DYNC2H1: variants seen among roughly 807,000 people sequenced by gnomAD.
The protein encoded by DYNC2H1 is cytoplasmic dynein 2 heavy chain 1.
A neutral mutation model predicts 570.0 loss-of-function variants in DYNC2H1; 410 were observed. The ratio of observed to expected loss-of-function variants is 0.72; its 90% confidence interval spans 0.66 to 0.78. The LOEUF is 0.78. Among genes scored for constraint, DYNC2H1 ranks in the 30% least tolerant of loss-of-function variants. The pLI is 0.00. For synonymous variants in DYNC2H1, 1,688 were observed against 1,677.6 expected, an observed-to-expected ratio of 1.01 and a Z score of -0.15; for missense variants, 4,865 against 5,046.4, an observed-to-expected ratio of 0.96 and a Z score of 1.09.
At chr11:103,146,834 C>T (rs566405118) in intron 18 of DYNC2H1, among the ~76,000 whole-genome samples, 1 of 152,240 alleles carries the variant, frequency 6.6e-6, no homozygotes, top group Admixed American at 6.5e-5. Context: ...GAACTCCTGA[C>T]CTCAGGCGAT....
intron 47 of DYNC2H1, among the ~76,000 whole-genome samples, chr11:103,193,439 G>T (rs562536493): frequency 9.2e-5 from 14 of 151,862 alleles, no homozygotes; most frequent in Non-Finnish European, 2.1e-4. Flanking sequence ...TGAAGAGTTT[G>T]GTATCTTTCA....
chr11:103,243,072 GATCTTA>G lies in DYNC2H1; in HGVS notation c.9820-619_9820-614del, dbSNP rs1185536181. ...ATTTAGTTTTTAGTTCATTTCATTA[GATCTTA>G]ACCTACAGCCCATGTAATTTTCTCT... On this transcript the variant is annotated intron_variant, in intron 63 of 88. Transcript: ENST00000375735. The surrounding 1 kb of genome is among the most constrained non-coding windows in gnomAD (Gnocchi z 4.8). Among the ~76,000 whole-genome samples, 4 of 152,040 alleles carry G rather than the reference GATCTTA, an allele frequency of 2.6e-5. No individual in the cohort carries two copies. The highest frequency in any genetic ancestry group is 9.6e-5 in the African/African-American group (4 of 41,482).
chr11:103,253,366 C>T lies in DYNC2H1; in HGVS notation c.10124C>T (p.Pro3375Leu), dbSNP rs772124490. The T allele has an allele frequency of 6.2e-7, 1 of 1,613,304 alleles. No homozygotes were observed. The highest frequency in any genetic ancestry group is 8.5e-7 in the Non-Finnish European group (1 of 1,179,528). The stretch of plus-strand genomic sequence containing the variant: ...CGCCTCTTTTTGTCAACAAGAAACC[C>T]AAATCCTTTTATTCCACCGGATGCA... The part of the protein sequence containing the change: ...EFRLFLSTRN[P>L]NPFIPPDAAS... The change falls in exon 66 of 89, where the codon CCA becomes CTA. Residue 3375 changes from proline to leucine, a missense_variant. By Grantham distance (98) the Pro-to-Leu change is moderately conservative. Around this residue, in one of 5 missense-constraint regions of DYNC2H1, gnomAD observed 2,401 missense variants for 2,454.6 expected, o/e 0.98. Coordinates refer to ENST00000375735, the MANE Select transcript of DYNC2H1 (RefSeq NM_001377.3).
At chr11:103,360,774 AAG>A (rs1259045516) in intron 83 of DYNC2H1, among the ~76,000 whole-genome samples, 1 of 152,204 alleles carries the variant, frequency 6.6e-6, no homozygotes, top group Non-Finnish European at 1.5e-5. Context: ...GTTAGTTCGT[AAG>A]AGAGATATTA....
chr11:103,389,672 G>A (rs1254298198), intron 83 of DYNC2H1, among the ~76,000 whole-genome samples: 3 of 151,516 alleles, frequency 2.0e-5, no homozygotes, highest in Non-Finnish European at 4.4e-5. Flanking sequence ...CTTTGAATGT[G>A]TCCCAGAGAT....
chr11:103,152,484 A>G (rs563586697), intron 21 of DYNC2H1, among the ~76,000 whole-genome samples, 199 bp downstream of exon 21: 1 of 152,286 alleles, frequency 6.6e-6, no homozygotes, highest in Non-Finnish European at 1.5e-5. Flanking sequence ...TATCACACCA[A>G]GAAGAAACCA....
At position 103,236,459 on chromosome 11, in the gene DYNC2H1, G is replaced by A. The variant is rs1315105205; in HGVS notation, c.9739G>A (p.Glu3247Lys). Residue 3247 changes from glutamate (E) to lysine (K), a missense_variant, in exon 63 of 89, where the codon GAA (glutamate) becomes AAA (lysine). Around this residue, in one of 5 missense-constraint regions of DYNC2H1, gnomAD observed 2,401 missense variants for 2,454.6 expected, o/e 0.98. Coordinates refer to ENST00000375735, the MANE Select transcript of DYNC2H1 (RefSeq NM_001377.3). ...KFDLRRFLCT[E>K]SEQLIWKSEG... ...TGATCTGAGGAGATTTCTTTGTACT[G>A]AAAGTGAGCAGTTAATTTGGAAAAG... 2 of 1,608,864 alleles carry A rather than the reference G, an allele frequency of 1.2e-6. No homozygotes were observed. Among genetic ancestry groups the A allele is most frequent in the Non-Finnish European group, 1.7e-6 (2 of 1,176,210 alleles).
intron 31 of DYNC2H1, among the ~76,000 whole-genome samples, chr11:103,167,311 A>G (rs1861366389): frequency 6.6e-6 from 1 of 151,226 alleles, no homozygotes; most frequent in African/African-American, 2.4e-5. Flanking sequence ...TCTGTTATCC[A>G]GGCTGGAGTG....
At chr11:103,328,857 AC>A (rs779645695) in intron 82 of DYNC2H1, among the ~76,000 whole-genome samples, 1 of 152,210 alleles carries the variant, frequency 6.6e-6, no homozygotes, top group Admixed American at 6.5e-5. Flanking sequence ...TAGGGATGTT[AC>A]ATTAACCAAA....
rs1419885905 is a variant in DYNC2H1, at chr11:103,113,451, A to G, written c.196-86A>G. The stretch of plus-strand genomic sequence containing the variant: ...AAGTAACTATTTTTTTCCAAGAGGT[A>G]TAATTATAGTGATAGAACTTTGTCT... On this transcript the variant is annotated intron_variant, in intron 1 of 88. Transcript: ENST00000375735. 1.5e-5 allele frequency: 16 copies of G among 1,057,098 alleles called. No individual in the cohort carries two copies. The East Asian group carries it at 3.4e-4, about 23-fold the overall frequency. 65.5% of individuals were successfully genotyped at this position (1,057,098 alleles called of 1,614,324 possible). A position where few individuals can be genotyped will look rare whatever the true frequency, so the allele number is the denominator to read the frequency against.
At chr11:103,459,719 G>C (rs910290218) in intron 87 of DYNC2H1, among the ~76,000 whole-genome samples, 2 of 151,840 alleles carry the variant, frequency 1.3e-5, no homozygotes, top group East Asian at 3.9e-4. Context: ...TTGGGAGGCC[G>C]AGGCGGGTGG....
intron 83 of DYNC2H1, among the ~76,000 whole-genome samples, chr11:103,392,148 C>G (rs1942183346): frequency 6.6e-6 from 1 of 152,226 alleles, no homozygotes; most frequent in Admixed American, 6.5e-5. Context: ...TGGACTCCAC[C>G]CAGTTCGAGC....
intron 83 of DYNC2H1, among the ~76,000 whole-genome samples, chr11:103,389,102 G>A (rs1308715463): frequency 1.3e-5 from 2 of 152,136 alleles, no homozygotes; most frequent in Non-Finnish European, 2.9e-5. Context: ...TGTACCTCTG[G>A]TAGAATTCAG....
chr11:103,400,658 C>CTT (rs57699673), intron 84 of DYNC2H1, among the ~76,000 whole-genome samples: 40 of 147,020 alleles, frequency 2.7e-4, no homozygotes, highest in East Asian at 7.9e-4. Flanking sequence ...ATTAAGTTTT[C>CTT]TTTTTTTTTT....
chr11:103,312,387 A>G (rs1173070962), intron 79 of DYNC2H1, among the ~76,000 whole-genome samples: 2 of 149,734 alleles, frequency 1.3e-5, no homozygotes, highest in East Asian at 2.0e-4. Flanking sequence ...TCTCAAAAAA[A>G]AAAAAAAAAA....
At chr11:103,427,715 G>C (rs902047011) in intron 84 of DYNC2H1, among the ~76,000 whole-genome samples, 14 of 151,954 alleles carry the variant, frequency 9.2e-5, no homozygotes, top group Non-Finnish European at 2.1e-4. Context: ...TTTTACAAGG[G>C]CACTAATCCC....
At chr11:103,307,257 T>C (rs1013123116) in intron 77 of DYNC2H1, among the ~76,000 whole-genome samples, 2 of 152,140 alleles carry the variant, frequency 1.3e-5, no homozygotes, top group African/African-American at 2.4e-5. Flanking sequence ...AATAAGGGAA[T>C]TAATATCATT....
At chr11:103,453,615 C>CATATAT (rs66628059) in intron 85 of DYNC2H1, among the ~76,000 whole-genome samples, 3,827 of 136,400 alleles carry the variant, frequency 0.028, 67 homozygotes, top group Non-Finnish European at 0.032. Flanking sequence ...TTAGTTTAGA[C>CATATAT]ATATATATAT....
In DYNC2H1 at chr11:103,289,029, A is replaced by G. The variant is rs1866480588; in HGVS notation, c.11095+1424A>G. 1.3e-5 allele frequency among the ~76,000 whole-genome samples: 2 copies of G among 152,114 alleles called. No homozygotes were observed. The highest frequency in any genetic ancestry group is 4.1e-4 in the South Asian group (2 of 4,834). On this transcript the variant is annotated intron_variant, in intron 75 of 88. Coordinates refer to ENST00000375735, the MANE Select transcript of DYNC2H1 (RefSeq NM_001377.3). This position sits in a 1 kb window ranked among gnomAD's most constrained non-coding sequence, Gnocchi z 4.2. ...AGTTGAGATATTTTGCAGACCCTGCACTAGATGGATCAGCTGACACAACCT... is the reference window on the plus strand; with the variant it reads ...AGTTGAGATATTTTGCAGACCCTGCGCTAGATGGATCAGCTGACACAACCT...
Sources: gnomAD v4.1 joint callset for allele counts (sites outside exome capture counted in the v4.1 genomes callset) on GRCh38, gnomAD v4.1.1 for gene constraint, gnomAD v4.1.1 regional missense constraint, Gnocchi (gnomAD v3.1) non-coding constraint, MANE v1.5 for transcripts, NCBI Gene and HGNC (gene_info 2026-07-23, HGNC 2026-07-21) for gene names.